The following NEGR1 variants were observed in gnomAD, a reference collection of about 807,000 sequenced individuals.
The protein encoded by NEGR1 is IgLON family member 4.
NEGR1 carries 10 observed loss-of-function variants against 40.9 expected under a neutral mutation model. That is an observed-to-expected ratio of 0.24 (90% CI 0.15 to 0.42). The LOEUF (loss-of-function observed/expected upper bound fraction) is 0.42, where lower values mean the gene tolerates loss of function less well. Ranked by LOEUF, NEGR1 falls within the 10% of genes least tolerant of loss-of-function variation. The probability of loss-of-function intolerance (pLI) is 1.00; values close to 1 mark genes in which losing one functional copy is unlikely to be tolerated. For synonymous variants in NEGR1, 185 were observed against 166.8 expected (o/e 1.11, Z -0.84); for missense variants, 352 against 438.9 (o/e 0.80, Z 1.77).
At chr1:72,203,749 G>T (rs1450781456) in intron 1 of NEGR1, among the ~76,000 whole-genome samples, 1 of 151,960 alleles carries the variant, frequency 6.6e-6, no homozygotes, top group Non-Finnish European at 1.5e-5. Flanking sequence ...CTTATTTGAA[G>T]AAATTTCCCC....
chr1:71,683,026 T>G (rs1414414789), intron 4 of NEGR1, among the ~76,000 whole-genome samples: 2 of 152,150 alleles, frequency 1.3e-5, no homozygotes, highest in Non-Finnish European at 2.9e-5. Flanking sequence ...TTTTTCTTTC[T>G]TTATAAATTA....
chr1:72,040,876 A>G (rs1327945320), intron 1 of NEGR1, among the ~76,000 whole-genome samples: 3 of 151,982 alleles, frequency 2.0e-5, no homozygotes, highest in Non-Finnish European at 4.4e-5. Context: ...TCAATTTTAT[A>G]ATCTTCAACA....
At chr1:72,139,410 GA>G (rs925066123) in intron 1 of NEGR1, among the ~76,000 whole-genome samples, 5 of 151,812 alleles carry the variant, frequency 3.3e-5, no homozygotes, top group African/African-American at 9.6e-5. Context: ...ATACTGATCA[GA>G]AAAAAATAAA....
chr1:71,643,153 C>A (rs1204792524), intron 4 of NEGR1, among the ~76,000 whole-genome samples: 3 of 151,882 alleles, frequency 2.0e-5, no homozygotes, highest in Non-Finnish European at 4.4e-5. Context: ...GGATTAAAAC[C>A]ACACAAATCC....
At chr1:72,032,521 A>G (rs750210232) in intron 1 of NEGR1, among the ~76,000 whole-genome samples, 35 of 152,204 alleles carry the variant, frequency 2.3e-4, no homozygotes, top group Admixed American at 2.0e-4. Flanking sequence ...TTTTTAGACT[A>G]TAATGTTCTA....
rs556243498 is a variant in NEGR1, at chr1:71,761,300, A to C, written c.535+14872T>G. Among the ~76,000 whole-genome samples, 18 of 152,274 alleles carry C rather than the reference A, an allele frequency of 1.2e-4. No individual in the cohort carries two copies. The East Asian group carries it at 2.7e-3, about 23-fold the overall frequency. On this transcript the variant is annotated intron_variant, in intron 3 of 6. Coordinates refer to ENST00000357731, the MANE Select transcript of NEGR1 (RefSeq NM_173808.3). ...TTAAAGCGGCCATAGACAATATATA[A>C]AGGAATGAGCATGGTGATGTTCAGT... is the stretch of plus-strand genomic sequence containing the variant.
chr1:71,876,525 AG>A (rs1369108569), intron 2 of NEGR1, among the ~76,000 whole-genome samples: 1 of 150,524 alleles, frequency 6.6e-6, no homozygotes, highest in East Asian at 1.9e-4. Flanking sequence ...GGAAGAAAGA[AG>A]AGAGAGAGAG....
chr1:71,990,215 T>C (rs989578719), intron 1 of NEGR1, among the ~76,000 whole-genome samples: 1 of 152,208 alleles, frequency 6.6e-6, no homozygotes, highest in Non-Finnish European at 1.5e-5. Context: ...GTTGATCTTA[T>C]GTAGAGAAGT....
At chr1:71,878,666 C>T (rs1462269241) in intron 2 of NEGR1, among the ~76,000 whole-genome samples, 2 of 126,286 alleles carry the variant, frequency 1.6e-5, no homozygotes. Context: ...GAAATAGTTG[C>T]AGTTACCATG....
At position 72,275,559 on chromosome 1, in the gene NEGR1, G is replaced by A. The variant is rs116396183; in HGVS notation, c.176+6760C>T. ...TTTAATCTATCAGCAAGCTTCCAGAGAAATGTAATGAATGATATCAAGAAA... is the reference window on the plus strand; with the variant it reads ...TTTAATCTATCAGCAAGCTTCCAGAAAAATGTAATGAATGATATCAAGAAA... On this transcript the variant is annotated intron_variant, in intron 1 of 6. Coordinates refer to ENST00000357731, the MANE Select transcript of NEGR1 (RefSeq NM_173808.3). Among the ~76,000 whole-genome samples the A allele has an allele frequency of 4.0e-3, 611 of 152,154 alleles. 5 individuals are homozygous for A. The highest frequency in any genetic ancestry group is 0.014 in the African/African-American group (580 of 41,516).
At chr1:71,681,583 T>C (rs78797529) in intron 4 of NEGR1, among the ~76,000 whole-genome samples, 3,439 of 152,288 alleles carry the variant, frequency 0.023, 53 homozygotes, top group South Asian at 0.051. Flanking sequence ...CGTATCTTTT[T>C]ATTTTTAATC....
At chr1:72,215,989 G>A (rs1172466304) in intron 1 of NEGR1, among the ~76,000 whole-genome samples, 1 of 151,794 alleles carries the variant, frequency 6.6e-6, no homozygotes, top group East Asian at 1.9e-4. Flanking sequence ...ATGGGATTAG[G>A]AAATGTGGCA....
At chr1:72,011,096 T>A (rs533060408) in intron 1 of NEGR1, among the ~76,000 whole-genome samples, 1 of 152,302 alleles carries the variant, frequency 6.6e-6, no homozygotes, top group African/African-American at 2.4e-5. Flanking sequence ...CTTGTTTTTT[T>A]CTCAATTATC....
chr1:72,182,162 T>A (rs1396582170), intron 1 of NEGR1, among the ~76,000 whole-genome samples: 1 of 152,212 alleles, frequency 6.6e-6, no homozygotes, highest in African/African-American at 2.4e-5. Context: ...CATAATATCC[T>A]GTTGTATACC....
At chr1:72,052,057 C>A (rs1380140520) in intron 1 of NEGR1, among the ~76,000 whole-genome samples, 1 of 151,422 alleles carries the variant, frequency 6.6e-6, no homozygotes, top group Non-Finnish European at 1.5e-5. Context: ...GTGGGTATTT[C>A]TCTATTTCAG....
In NEGR1 at chr1:71,472,258, A is replaced by G. The variant is rs923176630; in HGVS notation, c.941-64688T>C. 3.3e-5 allele frequency among the ~76,000 whole-genome samples: 5 copies of G among 152,140 alleles called. No individual in the cohort carries two copies. The East Asian group carries it at 5.8e-4, about 18-fold the overall frequency. On this transcript the variant is annotated intron_variant, in intron 6 of 6. Transcript: ENST00000357731. ...GAACGGTATTGATTGAAATAGAAAT[A>G]TGTCTACTACAAAATTGTCTGACTG...
chr1:72,162,357 TG>T (rs1651601219), intron 1 of NEGR1, among the ~76,000 whole-genome samples: 1 of 151,686 alleles, frequency 6.6e-6, no homozygotes, highest in East Asian at 1.9e-4. Flanking sequence ...CCCAGCTACT[TG>T]GGAGGCTGAG....
intron 2 of NEGR1, among the ~76,000 whole-genome samples, chr1:71,918,572 G>A (rs1661670575): frequency 6.6e-6 from 1 of 152,020 alleles, no homozygotes; most frequent in Admixed American, 6.6e-5. Context: ...AACTATTCCA[G>A]GAGTCTTTAC....
chr1:71,916,383 T>C (rs948480986), intron 2 of NEGR1, among the ~76,000 whole-genome samples: 1 of 152,128 alleles, frequency 6.6e-6, no homozygotes. Context: ...AAGTTCTACA[T>C]AATATAAAGA....
Sources: gnomAD v4.1 joint callset for allele counts (sites outside exome capture counted in the v4.1 genomes callset) on GRCh38, gnomAD v4.1.1 for gene constraint, MANE v1.5 for transcripts, NCBI Gene and HGNC (gene_info 2026-07-23, HGNC 2026-07-21) for gene names.